Variants in NKAIN3 observed in about 807,000 individuals in gnomAD.
NKAIN3 encodes the protein sodium/potassium transporting ATPase interacting 3.
NKAIN3 carries 25 observed loss-of-function variants against 30.2 expected under a neutral mutation model. The ratio of observed to expected loss-of-function variants is 0.83; its 90% CI spans 0.60 to 1.16. The LOEUF (loss-of-function observed/expected upper bound fraction) is 1.16, where lower values mean the gene tolerates loss of function less well. Ranked by LOEUF, NKAIN3 falls within the 50% of genes most tolerant of loss-of-function variation. NKAIN3 has a pLI of 0.00. For synonymous variants in NKAIN3, 91 were observed against 89.6 expected, an observed-to-expected ratio of 1.02 and a Z score of -0.09; for missense variants, 225 against 254.1, an observed-to-expected ratio of 0.89 and a Z score of 0.78.
Position 62,475,356 on chromosome 8 carries a change from G to A in NKAIN3, c.55-104183G>A, listed in dbSNP as rs573884708. On this transcript the variant is annotated intron_variant, in intron 1 of 6. Transcript: ENST00000623646. ...TATTATGAATGAATGAGAAAGCCAC[G>A]ACACTTCCATCCCAGCCCTGCTCTT... Among the ~76,000 whole-genome samples, 11 of 152,256 alleles carry A rather than the reference G, an allele frequency of 7.2e-5. No homozygotes were observed. The South Asian group carries it at 1.5e-3, about 20-fold the overall frequency.
intron 4 of NKAIN3, among the ~76,000 whole-genome samples, chr8:62,754,045 A>G (rs1260764879): frequency 6.6e-6 from 1 of 152,140 alleles, no homozygotes; most frequent in East Asian, 1.9e-4. Flanking sequence ...GCCTTCCCAA[A>G]AAAATGTTTT....
In NKAIN3 at chr8:62,971,597, C is replaced by T. The variant is rs948725877; in HGVS notation, c.*6190C>T. 4.0e-5 allele frequency among the ~76,000 whole-genome samples: 6 copies of T among 150,982 alleles called. No homozygotes were observed. Among genetic ancestry groups the T allele is most frequent in the African/African-American group, 1.5e-4 (6 of 41,262 alleles). On this transcript the variant is annotated 3_prime_UTR_variant, in exon 7 of 7. Coordinates refer to ENST00000623646, the MANE Select transcript of NKAIN3 (RefSeq NM_001304533.3). ...GCAGTTAGCCAAGATCATGCCACTG[C>T]ACTCCAACCTGGGAGATGGAGCCAA...
chr8:62,587,087 G>A (rs1352428969), intron 2 of NKAIN3, among the ~76,000 whole-genome samples: 1 of 151,896 alleles, frequency 6.6e-6, no homozygotes, highest in East Asian at 1.9e-4. Context: ...AGATAGGGAA[G>A]GTAGGCAGTC....
chr8:62,742,452 T>C (rs117599776), intron 3 of NKAIN3, among the ~76,000 whole-genome samples: 2 of 152,154 alleles, frequency 1.3e-5, no homozygotes, highest in Admixed American at 6.5e-5. Context: ...GACAGAGAGA[T>C]CTGTATATAT....
intron 5 of NKAIN3, among the ~76,000 whole-genome samples, chr8:62,935,006 G>A (rs779158757): frequency 2.9e-4 from 44 of 152,204 alleles, no homozygotes; most frequent in Middle Eastern, 6.8e-3. Context: ...CTGCCTCCAC[G>A]GAGTTTTCTT....
At chr8:62,568,722 C>A (rs1563461359) in intron 1 of NKAIN3, among the ~76,000 whole-genome samples, 1 of 152,122 alleles carries the variant, frequency 6.6e-6, no homozygotes, top group Non-Finnish European at 1.5e-5. Context: ...TTCTGAGATC[C>A]CATATTGTTT....
chr8:62,345,366 T>TATATACACAC (rs1815912830), intron 1 of NKAIN3, among the ~76,000 whole-genome samples: 6 of 23,246 alleles, frequency 2.6e-4, no homozygotes, highest in African/African-American at 4.2e-4. Context: ...CATATATGTA[T>TATATACACAC]ATATACACAT....
At chr8:62,392,310 C>A (rs1357145070) in intron 1 of NKAIN3, among the ~76,000 whole-genome samples, 1 of 151,900 alleles carries the variant, frequency 6.6e-6, no homozygotes, top group Non-Finnish European at 1.5e-5. Flanking sequence ...TCATAAAGAG[C>A]ATTTTGGTAA....
intron 4 of NKAIN3, among the ~76,000 whole-genome samples, chr8:62,807,952 T>A (rs1818356780): frequency 6.6e-6 from 1 of 151,834 alleles, no homozygotes; most frequent in South Asian, 2.1e-4. Context: ...TAGTTATTAA[T>A]AAAAAAAGAA....
At chr8:62,832,534 T>C (rs184662837) in intron 4 of NKAIN3, among the ~76,000 whole-genome samples, 184 of 147,828 alleles carry the variant, frequency 1.2e-3, no homozygotes, top group African/African-American at 4.7e-3. Context: ...ACTCATAGGC[T>C]CAAAGTAAAA....
intron 4 of NKAIN3, among the ~76,000 whole-genome samples, chr8:62,896,027 G>C (rs1468171232): frequency 3.3e-5 from 5 of 151,454 alleles, no homozygotes; most frequent in African/African-American, 1.2e-4. Flanking sequence ...GGACAACGTT[G>C]ATGTCTCAGT....
At position 62,780,996 on chromosome 8, in the gene NKAIN3, T is replaced by A. The variant is rs76276379; in HGVS notation, c.471+33867T>A. ...CCAAATTGGAAAAGAAGTCAAATTG[T>A]CCCTCTTTGCAAATAACCTCATTTT... On this transcript the variant is annotated intron_variant, in intron 4 of 6. Coordinates refer to ENST00000623646, the MANE Select transcript of NKAIN3 (RefSeq NM_001304533.3). Among the ~76,000 whole-genome samples, 61 of 152,102 alleles carry A rather than the reference T, an allele frequency of 4.0e-4. No homozygotes were observed. The East Asian group carries it at 0.011, about 27-fold the overall frequency.
intron 1 of NKAIN3, among the ~76,000 whole-genome samples, chr8:62,490,259 A>G (rs993046056): frequency 1.3e-5 from 2 of 152,152 alleles, no homozygotes; most frequent in Non-Finnish European, 2.9e-5. Flanking sequence ...TTTGGCTGAG[A>G]CTTCCCTGAA....
intron 1 of NKAIN3, among the ~76,000 whole-genome samples, chr8:62,487,530 C>T (rs984189573): frequency 6.6e-6 from 1 of 152,168 alleles, no homozygotes; most frequent in African/African-American, 2.4e-5. Flanking sequence ...ATAATTCCAG[C>T]AGTGATCTTA....
chr8:62,421,358 C>CT (rs934950714), intron 1 of NKAIN3, among the ~76,000 whole-genome samples: 54 of 152,254 alleles, frequency 3.5e-4, no homozygotes, highest in African/African-American at 1.2e-3. Flanking sequence ...TCTGTGCCAA[C>CT]TTTTACTCCT....
chr8:62,352,985 T>C (rs1816229524), intron 1 of NKAIN3, among the ~76,000 whole-genome samples: 1 of 152,202 alleles, frequency 6.6e-6, no homozygotes. Context: ...CAAGAGTCCA[T>C]CTGCCTTCTT....
intron 1 of NKAIN3, among the ~76,000 whole-genome samples, chr8:62,305,760 C>T (rs1814215539): frequency 6.6e-6 from 1 of 150,458 alleles, no homozygotes; most frequent in Non-Finnish European, 1.5e-5. Context: ...TGGCCTTCTC[C>T]TTCTGGGTCC....
chr8:62,744,015 G>A (rs904207921), intron 3 of NKAIN3, among the ~76,000 whole-genome samples: 1 of 152,114 alleles, frequency 6.6e-6, no homozygotes, highest in Admixed American at 6.5e-5. Context: ...GGCCAGCTGT[G>A]GGAGAAAAGG....
At chr8:62,826,820 C>T (rs1197985654) in intron 4 of NKAIN3, among the ~76,000 whole-genome samples, 1 of 152,194 alleles carries the variant, frequency 6.6e-6, no homozygotes, top group East Asian at 1.9e-4. Context: ...AGTGTAAGAA[C>T]TTAAACAGCT....
Sources: allele counts gnomAD v4.1 joint callset (sites outside exome capture counted in the v4.1 genomes callset), GRCh38; gene constraint gnomAD v4.1.1; transcripts MANE v1.5; gene names NCBI Gene and HGNC (gene_info 2026-07-23, HGNC 2026-07-21).